SLC14A2: variants seen among roughly 807,000 people sequenced by gnomAD.
The protein encoded by SLC14A2 is solute carrier family 14 member 2, also known as urea transporter 2.
In SLC14A2, 91 loss-of-function variants were observed where a neutral mutation model predicts 104.6. That is an observed-to-expected ratio of 0.87 (90% CI 0.73 to 1.04). SLC14A2 has a LOEUF of 1.04. SLC14A2 is among the 50% of genes least tolerant of loss of function. The pLI, the probability that SLC14A2 is intolerant of heterozygous loss-of-function variation, is 0.00. For synonymous variants in SLC14A2, 476 were observed against 466.4 expected, an observed-to-expected ratio of 1.02 and a Z score of -0.27; for missense variants, 1,189 against 1,156.0, an observed-to-expected ratio of 1.03 and a Z score of -0.41.
chr18:45,496,907 T>C (rs1276725306), intron 2 of SLC14A2, among the ~76,000 whole-genome samples: 1 of 152,216 alleles, frequency 6.6e-6, no homozygotes, highest in Non-Finnish European at 1.5e-5. Flanking sequence ...CTTTGGCTTA[T>C]GGACTCTGGA....
intron 10 of SLC14A2, among the ~76,000 whole-genome samples, chr18:45,658,393 C>G (rs1434149718): frequency 6.6e-6 from 1 of 151,994 alleles, no homozygotes; most frequent in African/African-American, 2.4e-5. Flanking sequence ...CCAGCCTAAC[C>G]AATATAGTGA....
chr18:45,298,883 G>A (rs1051494555), intron 1 of SLC14A2, among the ~76,000 whole-genome samples: 4 of 151,920 alleles, frequency 2.6e-5, no homozygotes, highest in Non-Finnish European at 5.9e-5. Context: ...TCATTCTCAA[G>A]GAAGAAACAA....
the SLC14A2 span, among the ~76,000 whole-genome samples, chr18:45,207,807 A>C: frequency 6.6e-6 from 1 of 152,152 alleles, no homozygotes; most frequent in African/African-American, 2.4e-5. Context: ...TTTTAAAAAA[A>C]AGCTAGAGAT....
At position 45,661,231 on chromosome 18, in the gene SLC14A2, G is replaced by C. The variant is rs116371931; in HGVS notation, c.1352-2554G>C. Among the ~76,000 whole-genome samples, 1,284 of 152,320 alleles carry C rather than the reference G, an allele frequency of 8.4e-3. 10 individuals are homozygous for C. Among genetic ancestry groups the C allele is most frequent in the African/African-American group, 0.028 (1,178 of 41,554 alleles). On this transcript the variant is annotated intron_variant, in intron 10 of 19. Coordinates refer to ENST00000255226, the MANE Select transcript of SLC14A2 (RefSeq NM_007163.4). ...TCAGCAAGCCCAGCACTCTCCACCT[G>C]TGTTACTATGGCTGACTCCTCAGTG...
the SLC14A2 span, among the ~76,000 whole-genome samples, chr18:45,190,504 A>G: frequency 3.9e-5 from 6 of 152,300 alleles, no homozygotes; most frequent in East Asian, 1.2e-3. Flanking sequence ...GATGTCCTAG[A>G]TGATGAGTGT....
the SLC14A2 span, among the ~76,000 whole-genome samples, chr18:45,184,214 G>A: frequency 6.6e-6 from 1 of 152,070 alleles, no homozygotes; most frequent in Non-Finnish European, 1.5e-5. Flanking sequence ...TAGTCACACT[G>A]CTATTGTGTT....
chr18:45,567,177 C>T (rs893761856), intron 2 of SLC14A2, among the ~76,000 whole-genome samples: 4 of 151,864 alleles, frequency 2.6e-5, no homozygotes, highest in African/African-American at 9.7e-5. Context: ...TTCTTTGTAA[C>T]TCTGTTTACC....
chr18:45,370,628 G>A lies in SLC14A2; in HGVS notation c.-124-112605G>A, dbSNP rs979679353. ...TTTTGCAGGTTTGCAAAATAGCAGT[G>A]CTTAGGAGCAGGGCGCCCAGAAAGA... On this transcript the variant is annotated intron_variant, in intron 1 of 20. Coordinates refer to the SLC14A2 transcript ENST00000586448. Among the ~76,000 whole-genome samples the A allele has an allele frequency of 3.3e-5, 5 of 152,260 alleles. No individual in the cohort carries two copies. In the East Asian group the frequency reaches 5.8e-4, roughly 18 times the overall value.
chr18:45,380,596 G>A (rs990032374), intron 1 of SLC14A2, among the ~76,000 whole-genome samples: 3 of 152,194 alleles, frequency 2.0e-5, no homozygotes, highest in African/African-American at 4.8e-5. Context: ...CTACCCAAGA[G>A]AGGGTATGTT....
chr18:45,649,284 A>G (rs912630984), intron 10 of SLC14A2, among the ~76,000 whole-genome samples: 15 of 152,208 alleles, frequency 9.9e-5, no homozygotes, highest in Admixed American at 5.2e-4. Flanking sequence ...ATCTTTCCCT[A>G]CCCTGAGGAA....
At chr18:45,548,019 T>C (rs913940319) in intron 2 of SLC14A2, among the ~76,000 whole-genome samples, 6 of 152,186 alleles carry the variant, frequency 3.9e-5, no homozygotes, top group African/African-American at 1.4e-4. Context: ...AAGAAATCAA[T>C]TACTCAAAAC....
At chr18:45,303,974 T>A (rs76420573) in intron 1 of SLC14A2, among the ~76,000 whole-genome samples, 3,094 of 152,272 alleles carry the variant, frequency 0.02, 48 homozygotes, top group Admixed American at 0.026. Flanking sequence ...ACAACTGAAG[T>A]GTTTTTCTAA....
At chr18:45,516,450 G>A (rs1430097141) in intron 2 of SLC14A2, among the ~76,000 whole-genome samples, 2 of 152,180 alleles carry the variant, frequency 1.3e-5, no homozygotes, top group Admixed American at 1.3e-4. Flanking sequence ...GAAGGTCCTA[G>A]ACAGATCTGT....
At chr18:45,224,628 G>T (rs992887511) in intron 1 of SLC14A2, among the ~76,000 whole-genome samples, 7 of 152,188 alleles carry the variant, frequency 4.6e-5, no homozygotes, top group African/African-American at 1.7e-4. Flanking sequence ...TTATCTGCCA[G>T]CCAGTGTGTT....
At chr18:45,375,747 A>C (rs937345417) in intron 1 of SLC14A2, among the ~76,000 whole-genome samples, 2 of 152,178 alleles carry the variant, frequency 1.3e-5, no homozygotes, top group Admixed American at 1.3e-4. Context: ...AGCATTGAGG[A>C]ATTGCAGGAC....
At chr18:45,388,815 A>T (rs2085929746) in intron 1 of SLC14A2, among the ~76,000 whole-genome samples, 1 of 152,174 alleles carries the variant, frequency 6.6e-6, no homozygotes, top group Non-Finnish European at 1.5e-5. Context: ...CCACAGGTGC[A>T]CACAAATACG....
At chr18:45,430,500 T>C (rs2086497044) in intron 1 of SLC14A2, among the ~76,000 whole-genome samples, 1 of 152,180 alleles carries the variant, frequency 6.6e-6, no homozygotes, top group South Asian at 2.1e-4. Context: ...GAGATCTGTG[T>C]GGATTGGGAT....
At chr18:45,672,627 T>C (rs2046160021) in intron 16 of SLC14A2, among the ~76,000 whole-genome samples, 1 of 152,234 alleles carries the variant, frequency 6.6e-6, no homozygotes, top group Non-Finnish European at 1.5e-5. Flanking sequence ...TGAAAGGTTT[T>C]CAGTTTCTCT....
intron 16 of SLC14A2, among the ~76,000 whole-genome samples, chr18:45,672,142 T>TAAC (rs1373949990): frequency 6.6e-6 from 1 of 152,172 alleles, no homozygotes. Context: ...CAGACCTTAC[T>TAAC]AACAAAATCA....
Sources: gnomAD v4.1 joint callset for allele counts (sites outside exome capture counted in the v4.1 genomes callset) on GRCh38, gnomAD v4.1.1 for gene constraint, MANE v1.5 for transcripts, NCBI Gene and HGNC (gene_info 2026-07-23, HGNC 2026-07-21) for gene names.